The following MARCHF1 variants were observed in gnomAD, a reference collection of about 807,000 sequenced individuals.
MARCHF1 encodes the protein membrane associated ring-CH-type finger 1, also known as E3 ubiquitin-protein ligase MARCHF1.
A neutral mutation model predicts 54.2 loss-of-function variants in MARCHF1; 40 were observed. The ratio of observed to expected loss-of-function variants is 0.74; its 90% confidence interval spans 0.57 to 0.96. The LOEUF is 0.96. MARCHF1 is among the 40% of genes least tolerant of loss of function. The probability of loss-of-function intolerance (pLI) is 0.00; values close to 1 mark genes in which losing one functional copy is unlikely to be tolerated. For missense variants in MARCHF1, 586 were observed against 656.5 expected, an observed-to-expected ratio of 0.89 and a Z score of 1.17; for synonymous variants, 236 against 236.3, an observed-to-expected ratio of 1.00 and a Z score of 0.01.
At chr4:163,927,352 G>A (rs977162604) in intron 3 of MARCHF1, among the ~76,000 whole-genome samples, 1 of 151,674 alleles carries the variant, frequency 6.6e-6, no homozygotes, top group East Asian at 1.9e-4. Context: ...ATCCTTGTAA[G>A]GAACTGGCAA....
At chr4:163,859,654 C>T (rs951232368) in intron 3 of MARCHF1, among the ~76,000 whole-genome samples, 28 of 152,222 alleles carry the variant, frequency 1.8e-4, no homozygotes, top group Non-Finnish European at 2.2e-4. Context: ...AGCCACTGTG[C>T]CCGGGCGAGA....
intron 1 of MARCHF1, among the ~76,000 whole-genome samples, chr4:164,320,846 G>A (rs754154025): frequency 7.9e-5 from 12 of 152,152 alleles, no homozygotes; most frequent in Non-Finnish European, 1.8e-4. Context: ...AAAGTTCTGG[G>A]GAGGTGACCT....
chr4:163,580,136 T>C (rs919412525), intron 8 of MARCHF1, among the ~76,000 whole-genome samples: 4 of 151,970 alleles, frequency 2.6e-5, no homozygotes, highest in Non-Finnish European at 4.4e-5. Flanking sequence ...TGCAGTGCAA[T>C]GGCATGATCT....
intron 4 of MARCHF1, among the ~76,000 whole-genome samples, chr4:163,788,198 G>C (rs1201193875): frequency 6.6e-6 from 1 of 151,746 alleles, no homozygotes; most frequent in African/African-American, 2.4e-5. Context: ...AAATGATTAG[G>C]AGACAAATTT....
rs574138864 is a variant in MARCHF1 at position 163,824,128 on chromosome 4, T to G, written c.111+29893A>C. Reference sequence around the variant, plus strand: ...GATCAACTTAGACAATTAGTGCATATAGTCTGCTTTTGATAATTCCAATAT... The same window carrying G: ...GATCAACTTAGACAATTAGTGCATAGAGTCTGCTTTTGATAATTCCAATAT... On this transcript the variant is annotated intron_variant, in intron 4 of 9. Transcript: ENST00000514618. Among the ~76,000 whole-genome samples the G allele has an allele frequency of 3.9e-5, 6 of 152,056 alleles. No homozygotes were observed. The East Asian group carries it at 9.7e-4, about 24-fold the overall frequency.
chr4:164,245,028 T>C (rs1180049008), intron 1 of MARCHF1, among the ~76,000 whole-genome samples: 7 of 152,036 alleles, frequency 4.6e-5, no homozygotes, highest in Non-Finnish European at 1.0e-4. Context: ...CTACCAGAGG[T>C]ACAAGGAGGA....
intron 1 of MARCHF1, among the ~76,000 whole-genome samples, chr4:164,317,771 T>C (rs1400992892): frequency 1.3e-5 from 2 of 152,156 alleles, no homozygotes; most frequent in East Asian, 1.9e-4. Flanking sequence ...AAGTTTTTTG[T>C]TGTATTGGCT....
At chr4:164,263,529 T>A (rs571518688) in intron 1 of MARCHF1, among the ~76,000 whole-genome samples, 39 of 152,268 alleles carry the variant, frequency 2.6e-4, no homozygotes, top group African/African-American at 8.4e-4. Flanking sequence ...CCCCAGTAGT[T>A]GGGATTACTA....
At chr4:163,538,258 T>C (rs1738604406) in intron 9 of MARCHF1, among the ~76,000 whole-genome samples, 1 of 152,158 alleles carries the variant, frequency 6.6e-6, no homozygotes, top group Non-Finnish European at 1.5e-5. Context: ...AACTGGGATG[T>C]CCAGGTTAAA....
chr4:163,952,929 G>C (rs1398354847), intron 3 of MARCHF1, among the ~76,000 whole-genome samples: 1 of 152,142 alleles, frequency 6.6e-6, no homozygotes, highest in Non-Finnish European at 1.5e-5. Context: ...AGAAGAATGT[G>C]AGCCAATCCA....
At chr4:164,007,510 T>A (rs1418644980) in intron 2 of MARCHF1, among the ~76,000 whole-genome samples, 1 of 151,842 alleles carries the variant, frequency 6.6e-6, no homozygotes, top group Non-Finnish European at 1.5e-5. Context: ...CATATGCAAA[T>A]CTATCAAAAA....
intron 2 of MARCHF1, among the ~76,000 whole-genome samples, chr4:164,003,883 A>G (rs1050217446): frequency 1.3e-5 from 2 of 152,158 alleles, no homozygotes; most frequent in African/African-American, 4.8e-5. Flanking sequence ...CATGGAATCA[A>G]CCCAAATGCC....
intron 4 of MARCHF1, among the ~76,000 whole-genome samples, chr4:163,850,455 C>T (rs2111160785): frequency 6.6e-6 from 1 of 152,320 alleles, no homozygotes; most frequent in African/African-American, 2.4e-5. Context: ...GACATTTTAG[C>T]TTTCCAATAC....
At chr4:164,310,996 T>C (rs895121617) in intron 1 of MARCHF1, among the ~76,000 whole-genome samples, 1 of 152,168 alleles carries the variant, frequency 6.6e-6, no homozygotes, top group African/African-American at 2.4e-5. Flanking sequence ...TTCCTTCTTA[T>C]GATGCTCTTA....
chr4:164,239,853 A>G (rs1364932645), intron 1 of MARCHF1, among the ~76,000 whole-genome samples: 1 of 152,116 alleles, frequency 6.6e-6, no homozygotes, highest in Non-Finnish European at 1.5e-5. Context: ...TGTTGATTTT[A>G]TATTTATGAA....
chr4:163,638,555 C>G (rs1742434966), intron 5 of MARCHF1, among the ~76,000 whole-genome samples: 1 of 152,106 alleles, frequency 6.6e-6, no homozygotes. Context: ...ATCTGGAGAA[C>G]CAAGAGTCAA....
chr4:163,568,810 C>T (rs1739735940), intron 8 of MARCHF1, among the ~76,000 whole-genome samples: 1 of 152,058 alleles, frequency 6.6e-6, no homozygotes, highest in Non-Finnish European at 1.5e-5. Flanking sequence ...CCAAGGAGGA[C>T]CAGAGGCTCC....
chr4:163,670,361 T>G (rs1743689822), intron 5 of MARCHF1, among the ~76,000 whole-genome samples: 1 of 127,772 alleles, frequency 7.8e-6, no homozygotes, highest in African/African-American at 3.1e-5. Context: ...TAGAGTAGGA[T>G]CTATCTATCT....
At chr4:164,176,968 CTCTCTCTCTCTCTA>C (rs1342567215) in intron 1 of MARCHF1, among the ~76,000 whole-genome samples, 15 of 43,332 alleles carry the variant, frequency 3.5e-4, no homozygotes, top group African/African-American at 1.6e-3. Context: ...CTCTCTCTCT[CTCTCTCTCTCTCTA>C]TATATATATA....
Sources: allele counts gnomAD v4.1 joint callset (sites outside exome capture counted in the v4.1 genomes callset), GRCh38; gene constraint gnomAD v4.1.1; transcripts MANE v1.5; gene names NCBI Gene and HGNC (gene_info 2026-07-23, HGNC 2026-07-21).